Variants in HDAC9 observed in about 807,000 individuals in gnomAD.
HDAC9 encodes MEF-2 interacting transcription repressor (MITR) protein.
A neutral mutation model predicts 139.4 loss-of-function variants in HDAC9; 41 were observed. That is an observed-to-expected ratio of 0.29 (90% confidence interval 0.23 to 0.38). HDAC9 has a LOEUF of 0.38. HDAC9 is among the 10% of genes least tolerant of loss of function. HDAC9 has a pLI of 1.00. For synonymous variants in HDAC9, 517 were observed against 476.2 expected (o/e 1.09, Z -1.12); for missense variants, 1,147 against 1,297.0 (o/e 0.88, Z 1.78).
chr7:18,270,970 C>T (rs953303421), intron 2 of HDAC9, among the ~76,000 whole-genome samples: 7 of 152,048 alleles, frequency 4.6e-5, no homozygotes, highest in Non-Finnish European at 8.8e-5. Flanking sequence ...ATAAATTTAG[C>T]ATTAAAATTG....
intron 21 of HDAC9, among the ~76,000 whole-genome samples, chr7:18,861,696 A>G (rs1798122258): frequency 6.6e-6 from 1 of 152,164 alleles, no homozygotes. Context: ...AGGCAAGGAA[A>G]GTCCCTCATT....
At chr7:18,526,793 G>A (rs1807081856) in intron 2 of HDAC9, among the ~76,000 whole-genome samples, 1 of 152,142 alleles carries the variant, frequency 6.6e-6, no homozygotes, top group Non-Finnish European at 1.5e-5. Context: ...CTGAAGTACA[G>A]CCTGAGAGAA....
intron 12 of HDAC9, among the ~76,000 whole-genome samples, chr7:18,703,901 C>T (rs538411615): frequency 2.0e-5 from 3 of 152,092 alleles, no homozygotes; most frequent in Non-Finnish European, 2.9e-5. Context: ...CAGTCCATTA[C>T]TAATTTTAGC....
At chr7:18,269,095 C>G (rs1796184546) in intron 2 of HDAC9, among the ~76,000 whole-genome samples, 1 of 152,126 alleles carries the variant, frequency 6.6e-6, no homozygotes, top group South Asian at 2.1e-4. Flanking sequence ...ATAAGTGGGT[C>G]TATCAAAGTT....
intron 3 of HDAC9, among the ~76,000 whole-genome samples, chr7:18,589,343 T>A (rs1001294400): frequency 2.6e-5 from 4 of 152,042 alleles, no homozygotes; most frequent in Middle Eastern, 3.2e-3. Flanking sequence ...CTGGGGAACA[T>A]GGCAAGACTT....
chr7:18,629,624 G>C lies in HDAC9; in HGVS notation c.796+143G>C, dbSNP rs1781722724. 3 of 805,974 alleles carry C rather than the reference G, an allele frequency of 3.7e-6. No individual in the cohort carries two copies. The South Asian group carries it at 6.4e-5, about 17-fold the overall frequency. The allele number at this position is 805,974 out of a possible 1,614,324, so 49.9% of individuals were successfully genotyped here. A position where few individuals can be genotyped will look rare whatever the true frequency, so the allele number is the denominator to read the frequency against. ...AGGAAATTATATTGAAAACTCACAA[G>C]TAGTTCAATAAACCTTGCTATGCAT... On this transcript the variant is annotated intron_variant, in intron 7 of 25. Coordinates refer to ENST00000686413, the MANE Select transcript of HDAC9 (RefSeq NM_178425.4).
At chr7:18,553,798 GT>G (rs1817880643) in intron 2 of HDAC9, among the ~76,000 whole-genome samples, 1 of 152,200 alleles carries the variant, frequency 6.6e-6, no homozygotes. Flanking sequence ...AGCCCCTTAT[GT>G]TCTGGTAATG....
At chr7:18,642,257 T>C (rs1329601774) in intron 8 of HDAC9, among the ~76,000 whole-genome samples, 2 of 145,008 alleles carry the variant, frequency 1.4e-5, no homozygotes, top group African/African-American at 2.7e-5. Context: ...AGCTTTTTTC[T>C]TGTGCCAAGT....
intron 6 of HDAC9, among the ~76,000 whole-genome samples, chr7:18,620,632 T>C (rs750855718): frequency 3.3e-5 from 5 of 152,084 alleles, no homozygotes; most frequent in African/African-American, 4.8e-5. Flanking sequence ...CCAGGCACTC[T>C]TGAGGCACAT....
chr7:18,356,631 A>G lies in HDAC9; in HGVS notation c.-42+66116A>G, dbSNP rs1783330912. Among the ~76,000 whole-genome samples, 3 of 152,118 alleles carry G rather than the reference A, an allele frequency of 2.0e-5. No homozygotes were observed. The South Asian group carries it at 6.2e-4, about 32-fold the overall frequency. ...AGTAATTTCAGTTGAAACTTTCACA[A>G]CCTTTTTCCTTTAGAGAGCTTGATT... On this transcript the variant is annotated intron_variant, in intron 1 of 3. Transcript: ENST00000413509.
chr7:18,734,271 G>C (rs547213028), intron 13 of HDAC9, among the ~76,000 whole-genome samples: 41 of 152,252 alleles, frequency 2.7e-4, no homozygotes, highest in African/African-American at 9.6e-4. Flanking sequence ...GGGTACATGA[G>C]CACAACGTGC....
At chr7:18,727,894 G>C (rs540884319) in intron 13 of HDAC9, 137 bp downstream of exon 13, 2 of 589,430 alleles carry the variant, frequency 3.4e-6, no homozygotes, top group Non-Finnish European at 2.7e-6. Context: ...ATTTTACGAG[G>C]TTATATTGGC....
chr7:18,810,626 C>A (rs1026282556), intron 17 of HDAC9, among the ~76,000 whole-genome samples: 6 of 151,892 alleles, frequency 4.0e-5, no homozygotes, highest in Non-Finnish European at 7.4e-5. Context: ...ACTATCACCA[C>A]AAATTATAAA....
intron 17 of HDAC9, among the ~76,000 whole-genome samples, chr7:18,813,813 T>C (rs1794366574): frequency 6.6e-6 from 1 of 152,176 alleles, no homozygotes; most frequent in African/African-American, 2.4e-5. Flanking sequence ...AAACTTTGGG[T>C]GAAGTAAAAG....
At chr7:18,305,456 A>G (rs1239518103) in intron 1 of HDAC9, among the ~76,000 whole-genome samples, 1 of 152,214 alleles carries the variant, frequency 6.6e-6, no homozygotes, top group Non-Finnish European at 1.5e-5. Context: ...CATGTTCTGG[A>G]ATAGTTTGCT....
At chr7:18,975,118 G>A (rs188903868) in intron 24 of HDAC9, among the ~76,000 whole-genome samples, 1 of 152,196 alleles carries the variant, frequency 6.6e-6, no homozygotes, top group East Asian at 1.9e-4. Context: ...CCATTGGCAT[G>A]TTCTCATGAA....
At chr7:18,894,220 T>A (rs1421976450) in intron 22 of HDAC9, among the ~76,000 whole-genome samples, 1 of 152,086 alleles carries the variant, frequency 6.6e-6, no homozygotes, top group Non-Finnish European at 1.5e-5. Context: ...TTAGTTGTTA[T>A]CAGCATATAG....
At chr7:18,630,669 G>T (rs573810317) in intron 7 of HDAC9, among the ~76,000 whole-genome samples, 4 of 152,180 alleles carry the variant, frequency 2.6e-5, no homozygotes, top group African/African-American at 9.6e-5. Flanking sequence ...TATTTTACTA[G>T]AGTTTATATG....
At chr7:18,864,958 A>C (rs1326953153) in intron 21 of HDAC9, among the ~76,000 whole-genome samples, 2 of 152,162 alleles carry the variant, frequency 1.3e-5, no homozygotes, top group East Asian at 3.8e-4. Flanking sequence ...TTAGTTGTTA[A>C]AAAAAATCCC....
Sources: gnomAD v4.1 joint callset for allele counts (sites outside exome capture counted in the v4.1 genomes callset) on GRCh38, gnomAD v4.1.1 for gene constraint, MANE v1.5 for transcripts, NCBI Gene and HGNC (gene_info 2026-07-23, HGNC 2026-07-21) for gene names.